The following SLC30A7 variants were observed in gnomAD, a reference collection of about 807,000 sequenced individuals.
SLC30A7 encodes zinc transporter 7.
A neutral mutation model predicts 46.0 loss-of-function variants in SLC30A7; 35 were observed. That is an observed-to-expected ratio of 0.76 (90% confidence interval 0.58 to 1.01). The LOEUF (loss-of-function observed/expected upper bound fraction) is 1.01, where lower values mean the gene tolerates loss of function less well. SLC30A7 is among the 50% of genes least tolerant of loss of function. The pLI, the probability that SLC30A7 is intolerant of heterozygous loss-of-function variation, is 0.00. For missense variants in SLC30A7, 464 were observed against 451.1 expected (o/e 1.03, Z -0.26); for synonymous variants, 147 against 157.8 (o/e 0.93, Z 0.51).
In SLC30A7 at chr1:100,905,984, G is replaced by A. The variant is rs1257385233; in HGVS notation, c.183-868G>A. Among the ~76,000 whole-genome samples the A allele has an allele frequency of 2.6e-5, 4 of 152,214 alleles. No homozygotes were observed. In the East Asian group the frequency reaches 7.7e-4, roughly 29 times the overall value. Reference sequence around the variant, plus strand: ...ACATTCTGTTTAAAAGAATAATAGAGACTGTATATGTCCAGAAATGGGCAC... The same window carrying A: ...ACATTCTGTTTAAAAGAATAATAGAAACTGTATATGTCCAGAAATGGGCAC... On this transcript the variant is annotated intron_variant, in intron 2 of 10. Transcript: ENST00000357650.
intron 7 of SLC30A7, among the ~76,000 whole-genome samples, chr1:100,919,103 C>A (rs1373905504): frequency 6.6e-6 from 1 of 152,108 alleles, no homozygotes; most frequent in Admixed American, 6.6e-5. Context: ...AGATTTAATG[C>A]AAAGTGAGAA....
At chr1:100,914,213 T>C (rs1404423070) in intron 6 of SLC30A7, among the ~76,000 whole-genome samples, 3 of 152,232 alleles carry the variant, frequency 2.0e-5, no homozygotes, top group Non-Finnish European at 4.4e-5. Flanking sequence ...AATCCAATTA[T>C]ACTCTTGGTT....
chr1:100,935,255 A>G (rs1206919084), intron 8 of SLC30A7, among the ~76,000 whole-genome samples: 1 of 152,210 alleles, frequency 6.6e-6, no homozygotes, highest in Non-Finnish European at 1.5e-5. Flanking sequence ...CAGTTACACA[A>G]ATGACAACCG....
At chr1:100,974,472 G>A (rs1177495552) in intron 10 of SLC30A7, among the ~76,000 whole-genome samples, 1 of 152,168 alleles carries the variant, frequency 6.6e-6, no homozygotes, top group Non-Finnish European at 1.5e-5. Flanking sequence ...GATTTAGACA[G>A]GGTTGATGTA....
downstream of SLC30A7, among the ~76,000 whole-genome samples, chr1:100,984,026 C>T (rs1005732272): frequency 1.3e-5 from 2 of 152,194 alleles, no homozygotes; most frequent in African/African-American, 4.8e-5. Flanking sequence ...TTTCTACAGA[C>T]CTCAGAAGAA....
chr1:100,912,217 C>T lies in SLC30A7; in HGVS notation c.490C>T (p.His164Tyr), dbSNP rs1319916170. 2 of 1,613,944 alleles carry T rather than the reference C, an allele frequency of 1.2e-6. No individual in the cohort carries two copies. The highest frequency in any genetic ancestry group is 4.5e-5 in the East Asian group (2 of 44,860). The change falls in exon 5 of 11, where the codon CAT becomes TAT. Residue 164 changes from histidine (H) to tyrosine (Y), a missense_variant. His to Tyr is a moderately conservative substitution (Grantham distance 83). Transcript: ENST00000357650. ...AATATTTGTTTTCAAACATGGAGGT[C>T]ATGGACATTCTCATGGCTCTGGTAT... is the stretch of plus-strand genomic sequence containing the variant. ...IGIFVFKHGGHGHSHGSGHGH... is the reference protein window; with the variant it reads ...IGIFVFKHGGYGHSHGSGHGH...
intron 4 of SLC30A7, among the ~76,000 whole-genome samples, chr1:100,911,416 A>T (rs1652085350): frequency 1.3e-5 from 2 of 152,212 alleles, no homozygotes; most frequent in Non-Finnish European, 2.9e-5. Flanking sequence ...CACAATCTGG[A>T]TAGTGAGGTC....
chr1:100,898,936 G>A (rs919049492), intron 2 of SLC30A7, among the ~76,000 whole-genome samples: 2 of 152,122 alleles, frequency 1.3e-5, no homozygotes, highest in Admixed American at 6.5e-5. Context: ...GGACTGAAAC[G>A]TGAATAAAAC....
chr1:100,914,044 T>A (rs1248744996), intron 6 of SLC30A7, among the ~76,000 whole-genome samples: 1 of 152,218 alleles, frequency 6.6e-6, no homozygotes, highest in Non-Finnish European at 1.5e-5. Flanking sequence ...GCCACTTTTT[T>A]ATGTATTTAT....
In SLC30A7 at chr1:100,908,380, C is replaced by G. The variant is rs149409348; in HGVS notation, c.296+1415C>G. Among the ~76,000 whole-genome samples the G allele has an allele frequency of 6.6e-5, 10 of 152,278 alleles. No homozygotes were observed. The South Asian group carries it at 1.7e-3, about 25-fold the overall frequency. On this transcript the variant is annotated intron_variant, in intron 3 of 10. Coordinates refer to ENST00000357650, the MANE Select transcript of SLC30A7 (RefSeq NM_133496.5). ...GATCTAATGATGTAAAAACATGCCT[C>G]CTGCCTTGCCGGAACTTGTCTCTTG...
chr1:100,905,533 G>A (rs898666757), intron 2 of SLC30A7, among the ~76,000 whole-genome samples: 2 of 151,740 alleles, frequency 1.3e-5, no homozygotes, highest in African/African-American at 4.8e-5. Context: ...CTAAATACAT[G>A]TATTTTAGTA....
intron 2 of SLC30A7, among the ~76,000 whole-genome samples, chr1:100,905,195 T>C (rs1004413316): frequency 4.6e-5 from 7 of 152,224 alleles, no homozygotes; most frequent in African/African-American, 1.7e-4. Context: ...TTGTTGACAG[T>C]ATTTTTTTTC....
intron 8 of SLC30A7, among the ~76,000 whole-genome samples, chr1:100,961,145 T>C (rs1655528489): frequency 6.6e-6 from 1 of 151,156 alleles, no homozygotes; most frequent in South Asian, 2.1e-4. Context: ...GTATTTTTAG[T>C]GGAGACGGGG....
chr1:100,932,978 CTTTT>C (rs995801710), intron 8 of SLC30A7, among the ~76,000 whole-genome samples: 5 of 138,078 alleles, frequency 3.6e-5, no homozygotes, highest in Non-Finnish European at 3.2e-5. Context: ...TTTCTTTTTT[CTTTT>C]TTTTTTTTTT....
At chr1:100,896,546 C>G (rs1450441953) in intron 1 of SLC30A7, 24 bp from the exon 2 acceptor site, 2 of 1,607,210 alleles carry the variant, frequency 1.2e-6, no homozygotes, top group Non-Finnish European at 8.5e-7. Flanking sequence ...TCTCCCGGCT[C>G]TTTTCCACGT....
chr1:100,990,291 A>G, the SLC30A7 span: 1 of 933,626 alleles, frequency 1.1e-6, no homozygotes, highest in East Asian at 2.5e-5. Context: ...TACCTACCAC[A>G]ACACCTGGGA....
chr1:100,956,249 C>T (rs1655213395), intron 8 of SLC30A7, among the ~76,000 whole-genome samples: 1 of 152,036 alleles, frequency 6.6e-6, no homozygotes, highest in African/African-American at 2.4e-5. Context: ...AATGAGTGAT[C>T]TCTAAATTTC....
intron 7 of SLC30A7, 87 bp downstream of exon 7, chr1:100,918,214 G>GA (rs1418464961): frequency 8.8e-7 from 1 of 1,134,554 alleles, no homozygotes; most frequent in African/African-American, 1.6e-5. Context: ...TTTCCTTTAA[G>GA]AAAAATATAA....
intron 2 of SLC30A7, among the ~76,000 whole-genome samples, chr1:100,901,378 A>G (rs995150864): frequency 6.6e-6 from 1 of 152,114 alleles, no homozygotes; most frequent in African/African-American, 2.4e-5. Flanking sequence ...TTCTTTTGCC[A>G]TATATTCTAT....
Sources: allele counts gnomAD v4.1 joint callset (sites outside exome capture counted in the v4.1 genomes callset), GRCh38; gene constraint gnomAD v4.1.1; transcripts MANE v1.5; gene names NCBI Gene and HGNC (gene_info 2026-07-23, HGNC 2026-07-21).